GDF1: variants seen among roughly 807,000 people sequenced by gnomAD.
GDF1 encodes the protein embryonic growth/differentiation factor 1.
In GDF1, 8 loss-of-function variants were observed where a neutral mutation model predicts 7.4. The ratio of observed to expected loss-of-function variants is 1.09; its 90% CI spans 0.64 to 1.96. The LOEUF (loss-of-function observed/expected upper bound fraction) is 1.96, where lower values mean the gene tolerates loss of function less well. GDF1 is among the 30% of genes most tolerant of loss of function. The pLI, the probability that GDF1 is intolerant of heterozygous loss-of-function variation, is 0.00. For missense variants in GDF1, 574 were observed against 551.5 expected, an observed-to-expected ratio of 1.04 and a Z score of -0.41; for synonymous variants, 311 against 276.7, an observed-to-expected ratio of 1.12 and a Z score of -1.23.
chr19:18,870,004 C>T lies in GDF1; in HGVS notation c.304G>A (p.Val102Met), dbSNP rs763476348. ...TCACCGCGGTCCGGGATGTGGCGCA[C>T]GATGTTTCCGGCGACCCCCAGCTCC... ...VEELGVAGNIVRHIPDRGAPT... is the reference protein window; with the variant it reads ...VEELGVAGNIMRHIPDRGAPT... Residue 102 changes from valine to methionine, a missense_variant, in exon 7 of 8, where the codon GTG becomes ATG. By Grantham distance (21) the Val-to-Met change is conservative. Transcript: ENST00000247005. This position sits in a 1 kb window ranked among gnomAD's most constrained non-coding sequence, Gnocchi z 5.1. 4 of 1,595,902 alleles carry T rather than the reference C, an allele frequency of 2.5e-6. No homozygotes were observed. In the South Asian group the frequency reaches 3.4e-5, roughly 14 times the overall value.
intron 2 of GDF1, among the ~76,000 whole-genome samples, chr19:18,887,522 A>G (rs535380021): frequency 1.3e-5 from 2 of 152,314 alleles, no homozygotes; most frequent in Admixed American, 1.3e-4. Context: ...AGGCAGGTGG[A>G]TCACCTGAGG....
chr19:18,879,287 T>C lies in GDF1; in HGVS notation c.-469A>G. The C allele has an allele frequency of 6.2e-7, 1 of 1,613,204 alleles. No individual in the cohort carries two copies. The highest frequency in any genetic ancestry group is 8.5e-7 in the Non-Finnish European group (1 of 1,179,630). ...AAGGGTGAGCAGCAGCAGGAGCGCA[T>C]TGAAGAAGAAGTAGAAGGGGATGTC... On this transcript the variant is annotated 5_prime_UTR_variant, in exon 5 of 8. An upstream start codon of the reference 5' UTR is lost. Coordinates refer to ENST00000247005, the MANE Select transcript of GDF1 (RefSeq NM_001492.6).
intron 6 of GDF1, among the ~76,000 whole-genome samples, chr19:18,877,679 TG>T (rs1034372840): frequency 2.2e-5 from 3 of 138,336 alleles, no homozygotes; most frequent in African/African-American, 8.3e-5. Context: ...TTCCTGGGCC[TG>T]GGAGGCGGCG....
rs1200072578 is a variant in GDF1, at chr19:18,868,867, G to C, written c.849C>G (p.Arg283=). The change falls in exon 8 of 8, where the codon CGC becomes CGG. Residue 283 remains arginine, a synonymous_variant. Coordinates refer to ENST00000247005, the MANE Select transcript of GDF1 (RefSeq NM_001492.6). ...GGAAGCCGCGCGGCGCGATGACCCA[G>C]CGGTGCCAGCCCACCTCGCGGAAGC... ...YVSFREVGWH[R]WVIAPRGFLA... is the part of the protein sequence containing the mutation. 112 of 1,440,902 alleles carry C rather than the reference G, an allele frequency of 7.8e-5. No homozygotes were observed. The highest frequency in any genetic ancestry group is 1.0e-4 in the Non-Finnish European group (111 of 1,089,766). The allele number at this position is 1,440,902 out of a possible 1,614,324, so 89.3% of individuals were successfully genotyped here. A position where few individuals can be genotyped will look rare whatever the true frequency, so the allele number is the denominator to read the frequency against.
Position 18,868,815 on chromosome 19 carries a change from C to G in GDF1, c.901G>C (p.Ala301Pro), listed in dbSNP as rs2055902780. The change falls in exon 8 of 8, where the codon GCG (alanine) becomes CCG (proline). Residue 301 changes from alanine (A) to proline (P), a missense_variant. Coordinates refer to ENST00000247005, the MANE Select transcript of GDF1 (RefSeq NM_001492.6). The stretch of plus-strand genomic sequence containing the variant: ...GACCCCGACAGCGCGACGGGCAGCG[C>G]GCACTGACCCTGGCAGTAGTTGGCC... ...FLANYCQGQC[A>P]LPVALSGSGG... 6.9e-7 allele frequency: 1 copy of G among 1,458,116 alleles called. No individual in the cohort carries two copies. The highest frequency in any genetic ancestry group is 9.1e-7 in the Non-Finnish European group (1 of 1,095,162). The allele number at this position is 1,458,116 out of a possible 1,614,324, so 90.3% of individuals were successfully genotyped here.
At chr19:18,890,529 C>T (rs1445273488) in intron 2 of GDF1, among the ~76,000 whole-genome samples, 1 of 151,358 alleles carries the variant, frequency 6.6e-6, no homozygotes, top group African/African-American at 2.4e-5. Flanking sequence ...TGTAATCCCA[C>T]CACTTTGGGA....
At chr19:18,887,784 A>G (rs1461547354) in intron 2 of GDF1, among the ~76,000 whole-genome samples, 1 of 151,774 alleles carries the variant, frequency 6.6e-6, no homozygotes, top group East Asian at 1.9e-4. Flanking sequence ...TTTATATGGC[A>G]AAAACTTACC....
At chr19:18,873,385 A>G (rs1320979409) in intron 6 of GDF1, among the ~76,000 whole-genome samples, 1 of 152,018 alleles carries the variant, frequency 6.6e-6, no homozygotes, top group African/African-American at 2.4e-5. Context: ...GAGACAGAGC[A>G]GGAGTGCAGA....
chr19:18,895,462 C>T lies in GDF1; in HGVS notation c.-1074+362G>A, dbSNP rs559939257. Among the ~76,000 whole-genome samples the T allele has an allele frequency of 2.0e-5, 3 of 151,356 alleles. No individual in the cohort carries two copies. The highest frequency in any genetic ancestry group is 4.2e-4 in the South Asian group (2 of 4,784). ...GCGGTGGCCGGAGCCATCCACCGCG[C>T]GGGGCCCCCTGGTCCCAAACTGACC... On this transcript the variant is annotated intron_variant, in intron 1 of 7. Transcript: ENST00000247005. The surrounding 1 kb of genome is among the most constrained non-coding windows in gnomAD (Gnocchi z 6.4).
intron 2 of GDF1, among the ~76,000 whole-genome samples, chr19:18,888,197 T>TA (rs2056406060): frequency 6.6e-6 from 1 of 151,684 alleles, no homozygotes; most frequent in South Asian, 2.1e-4. Context: ...CCAGCTCTAC[T>TA]AAAATACTAA....
At chr19:18,890,538 G>A (rs897755343) in intron 2 of GDF1, among the ~76,000 whole-genome samples, 1 of 152,140 alleles carries the variant, frequency 6.6e-6, no homozygotes, top group African/African-American at 2.4e-5. Context: ...ACCACTTTGG[G>A]AGGCTGAGGT....
At chr19:18,888,702 T>A (rs1305360597) in intron 2 of GDF1, among the ~76,000 whole-genome samples, 1 of 149,924 alleles carries the variant, frequency 6.7e-6, no homozygotes, top group African/African-American at 2.5e-5. Flanking sequence ...TGGTAGTACA[T>A]GCCTGTGATC....
chr19:18,874,783 G>A (rs2056032692), intron 6 of GDF1, among the ~76,000 whole-genome samples: 1 of 152,228 alleles, frequency 6.6e-6, no homozygotes, highest in Non-Finnish European at 1.5e-5. Flanking sequence ...GTACAGATGA[G>A]GGGACCCTGG....
In GDF1 at chr19:18,870,327, CAG is replaced by C. The variant is rs1568291798; in HGVS notation, c.-22_-21del. 6 of 1,544,516 alleles carry C rather than the reference CAG, an allele frequency of 3.9e-6. No individual in the cohort carries two copies. The highest frequency in any genetic ancestry group is 2.3e-4 in the Middle Eastern group (1 of 4,360). On this transcript the variant is annotated 5_prime_UTR_variant, in exon 7 of 8. Transcript: ENST00000247005. The surrounding 1 kb of genome is among the most constrained non-coding windows in gnomAD (Gnocchi z 5.1). ...TGGCATCTTCCTCCCAGGCGATGAC[CAG>C]AGAGTGCGCAGGGTCCGCGGCGGCC...
rs1280287025 is a variant in GDF1, at chr19:18,868,555, C to T, written c.*42G>A. On this transcript the variant is annotated 3_prime_UTR_variant, in exon 8 of 8. Transcript: ENST00000247005. ...CCAAGGAGACCAGCGGAGCAGACCA[C>T]GCGGCATTTATTGTTGGGCCCGCGT... The T allele has an allele frequency of 2.1e-6, 3 of 1,453,742 alleles. No homozygotes were observed. Among genetic ancestry groups the T allele is most frequent in the African/African-American group, 2.8e-5 (2 of 70,798 alleles). The allele number at this position is 1,453,742 out of a possible 1,614,324, so 90.1% of individuals were successfully genotyped here.
intron 2 of GDF1, among the ~76,000 whole-genome samples, chr19:18,887,431 G>A (rs1255324359): frequency 1.3e-5 from 2 of 152,172 alleles, no homozygotes; most frequent in Non-Finnish European, 2.9e-5. Flanking sequence ...AGACAGAGGG[G>A]GTGGTTGAAC....
chr19:18,879,469 C>A, intron 4 of GDF1, 81 bp from the exon 5 acceptor site: 9 of 1,484,046 alleles, frequency 6.1e-6, no homozygotes, highest in Non-Finnish European at 8.1e-6. Context: ...GTCCTAGACC[C>A]ACCCTTGCCC....
At position 18,870,557 on chromosome 19, in the gene GDF1, C is replaced by T; in HGVS notation, c.-250G>A. 1.4e-5 allele frequency: 1 copy of T among 69,000 alleles called. No homozygotes were observed. Among genetic ancestry groups the T allele is most frequent in the East Asian group, 2.4e-4 (1 of 4,086 alleles). The allele number at this position is 69,000 out of a possible 1,614,324, so 4.3% of individuals were successfully genotyped here. A position where few individuals can be genotyped will look rare whatever the true frequency, so the allele number is the denominator to read the frequency against. On this transcript the variant is annotated 5_prime_UTR_variant, in exon 7 of 8. It adds an upstream start codon to the 5' untranslated region. Transcript: ENST00000247005. The surrounding 1 kb of genome is among the most constrained non-coding windows in gnomAD (Gnocchi z 5.1). The stretch of plus-strand genomic sequence containing the variant: ...GGTATTCGGGGTGGGGCCGGGTCCA[C>T]GGGGGCGGGGCCGAGGGGTTCAGAA...
chr19:18,871,116 C>T (rs1274163974), intron 6 of GDF1, among the ~76,000 whole-genome samples: 3 of 151,208 alleles, frequency 2.0e-5, no homozygotes. Context: ...TGGTCTTACT[C>T]TGTGGTCCAG....
Sources: allele counts gnomAD v4.1 joint callset (sites outside exome capture counted in the v4.1 genomes callset), GRCh38; gene constraint gnomAD v4.1.1; non-coding constraint Gnocchi (gnomAD v3.1); transcripts MANE v1.5; gene names NCBI Gene and HGNC (gene_info 2026-07-23, HGNC 2026-07-21).